The following USH2A variants were observed in gnomAD, a reference collection of about 807,000 sequenced individuals.
USH2A encodes the protein usherin, also known as Usher syndrome 2A (autosomal recessive, mild).
USH2A carries 443 observed loss-of-function variants against 538.9 expected under a neutral mutation model. The observed-to-expected ratio is 0.82, with a 90% CI of 0.76 to 0.89. USH2A has a LOEUF of 0.89. Ranked by LOEUF, USH2A falls within the 40% of genes least tolerant of loss-of-function variation. The pLI, the probability that USH2A is intolerant of heterozygous loss-of-function variation, is 0.00. For synonymous variants in USH2A, 2,413 were observed against 2,273.5 expected (o/e 1.06, Z -1.75); for missense variants, 6,633 against 6,324.8 (o/e 1.05, Z -1.65).
intron 47 of USH2A, among the ~76,000 whole-genome samples, chr1:215,827,054 G>T (rs958634575): frequency 4.6e-5 from 7 of 152,146 alleles, no homozygotes; most frequent in African/African-American, 1.7e-4. Flanking sequence ...TTATGGAAGT[G>T]ATGGGTGAAT....
chr1:216,396,192 A>G (rs2039208727), intron 3 of USH2A, among the ~76,000 whole-genome samples: 2 of 152,222 alleles, frequency 1.3e-5, no homozygotes, highest in South Asian at 4.1e-4. Context: ...AGTACAAAAA[A>G]AAATCTTGAA....
chr1:215,803,228 A>G (rs1159900478), intron 49 of USH2A, among the ~76,000 whole-genome samples: 1 of 152,188 alleles, frequency 6.6e-6, no homozygotes, highest in East Asian at 1.9e-4. Context: ...GGCACAAGAC[A>G]GGGATGCCCT....
intron 21 of USH2A, among the ~76,000 whole-genome samples, chr1:216,165,362 T>A (rs2034146407): frequency 6.6e-6 from 1 of 152,148 alleles, no homozygotes; most frequent in African/African-American, 2.4e-5. Flanking sequence ...ATGTGATAGC[T>A]ATGGTGGGGC....
intron 4 of USH2A, among the ~76,000 whole-genome samples, chr1:216,332,464 T>C (rs1026027968): frequency 6.6e-5 from 10 of 152,050 alleles, no homozygotes; most frequent in Non-Finnish European, 1.5e-4. Flanking sequence ...ATCTACAAGA[T>C]TATGAACATG....
chr1:215,856,790 C>T (rs534061538), intron 44 of USH2A, among the ~76,000 whole-genome samples: 2 of 151,532 alleles, frequency 1.3e-5, no homozygotes, highest in East Asian at 1.9e-4. Context: ...AACATGGAAC[C>T]AGCCCAAACG....
chr1:215,904,613 C>T (rs2102473323), intron 38 of USH2A, among the ~76,000 whole-genome samples: 1 of 152,096 alleles, frequency 6.6e-6, no homozygotes, highest in Non-Finnish European at 1.5e-5. Context: ...GCCCTGTATC[C>T]ATCAGCTTGA....
intron 32 of USH2A, among the ~76,000 whole-genome samples, chr1:216,024,790 T>C (rs1466819017): frequency 2.0e-5 from 3 of 152,032 alleles, no homozygotes; most frequent in Non-Finnish European, 4.4e-5. Context: ...TTTTGAATTA[T>C]ACACTGTTCT....
intron 35 of USH2A, among the ~76,000 whole-genome samples, chr1:215,984,928 C>T (rs776843347): frequency 6.6e-6 from 1 of 152,150 alleles, no homozygotes; most frequent in Non-Finnish European, 1.5e-5. Context: ...GAGAGAAGAG[C>T]TTTCACATTG....
At chr1:215,861,196 T>A (rs1008329552) in intron 44 of USH2A, among the ~76,000 whole-genome samples, 2 of 152,244 alleles carry the variant, frequency 1.3e-5, no homozygotes, top group African/African-American at 4.8e-5. Context: ...ACTCCAGAGC[T>A]ACTTTAGTCT....
intron 21 of USH2A, among the ~76,000 whole-genome samples, chr1:216,135,231 T>A (rs1193354967): frequency 6.6e-6 from 1 of 150,636 alleles, no homozygotes; most frequent in Non-Finnish European, 1.5e-5. Context: ...AATTCCTCCT[T>A]TAAAATGTAT....
intron 50 of USH2A, among the ~76,000 whole-genome samples, chr1:215,794,869 A>G (rs962005648): frequency 1.3e-5 from 2 of 152,106 alleles, no homozygotes; most frequent in Admixed American, 1.3e-4. Flanking sequence ...TTACAGGCAA[A>G]TTTTTGTGTA....
At chr1:215,819,434 T>G (rs952846751) in intron 47 of USH2A, among the ~76,000 whole-genome samples, 4 of 151,754 alleles carry the variant, frequency 2.6e-5, no homozygotes, top group Non-Finnish European at 4.4e-5. Flanking sequence ...ATTTCAGTTT[T>G]GTGGGGGTAC....
At chr1:216,196,221 T>C (rs1451166261) in intron 19 of USH2A, among the ~76,000 whole-genome samples, 2 of 152,072 alleles carry the variant, frequency 1.3e-5, no homozygotes, top group Non-Finnish European at 2.9e-5. Context: ...TGTGGACTGG[T>C]TAAATAATTA....
chr1:216,137,190 T>C (rs1194973795), intron 21 of USH2A, among the ~76,000 whole-genome samples: 1 of 152,186 alleles, frequency 6.6e-6, no homozygotes, highest in African/African-American at 2.4e-5. Flanking sequence ...GCATGCAAAG[T>C]ACGTTCCTTT....
intron 13 of USH2A, among the ~76,000 whole-genome samples, chr1:216,241,189 C>T (rs2035929448): frequency 6.6e-6 from 1 of 152,090 alleles, no homozygotes; most frequent in African/African-American, 2.4e-5. Context: ...CATTCATCTT[C>T]TATAGGAGGA....
intron 21 of USH2A, among the ~76,000 whole-genome samples, chr1:216,144,812 C>T (rs556034420): frequency 1.4e-4 from 21 of 152,128 alleles, no homozygotes; most frequent in Non-Finnish European, 2.4e-4. Flanking sequence ...GCCATCTTTC[C>T]TCCTAGGGTC....
In USH2A at chr1:215,954,608, A is replaced by T. The variant is rs988640692; in HGVS notation, c.7120+10709T>A. Among the ~76,000 whole-genome samples, 6 of 151,708 alleles carry T rather than the reference A, an allele frequency of 4.0e-5. No individual in the cohort carries two copies. In the South Asian group the frequency reaches 1.0e-3, roughly 26 times the overall value. On this transcript the variant is annotated intron_variant, in intron 37 of 71. Coordinates refer to ENST00000307340, the MANE Select transcript of USH2A (RefSeq NM_206933.4). The stretch of plus-strand genomic sequence containing the variant: ...AGGGATAGCATTAGGAGATATACCC[A>T]GTGTTAAATGACGAGCTAATGGGTG...
chr1:216,228,755 G>T (rs2035615162), intron 14 of USH2A, among the ~76,000 whole-genome samples: 1 of 152,150 alleles, frequency 6.6e-6, no homozygotes, highest in African/African-American at 2.4e-5. Context: ...AGGGATGGAA[G>T]AAAAGTGCGA....
At chr1:215,647,425 A>C (rs948315363) in intron 67 of USH2A, 97 bp downstream of exon 67, 1 of 1,442,228 alleles carries the variant, frequency 6.9e-7, no homozygotes, top group East Asian at 2.3e-5. Context: ...AGCCCACTCA[A>C]TCTGTTTTTA....
Sources: gnomAD v4.1 joint callset for allele counts (sites outside exome capture counted in the v4.1 genomes callset) on GRCh38, gnomAD v4.1.1 for gene constraint, MANE v1.5 for transcripts, NCBI Gene and HGNC (gene_info 2026-07-23, HGNC 2026-07-21) for gene names.